Variants in XIRP2 observed in about 807,000 individuals in gnomAD.
XIRP2 encodes xin actin-binding repeat-containing protein 2.
Under a neutral mutation model 277.0 loss-of-function variants are expected in XIRP2, and 236 were observed. That is an observed-to-expected ratio of 0.85 (90% CI 0.77 to 0.95). The LOEUF (loss-of-function observed/expected upper bound fraction) is 0.95. Among genes scored for constraint, XIRP2 ranks in the 40% least tolerant of loss-of-function variants. The probability of loss-of-function intolerance (pLI) is 0.00; values close to 1 mark genes in which losing one functional copy is unlikely to be tolerated. For synonymous variants in XIRP2, 1,490 were observed against 1,416.5 expected, an observed-to-expected ratio of 1.05 and a Z score of -1.17; for missense variants, 4,640 against 4,157.5, an observed-to-expected ratio of 1.12 and a Z score of -3.19.
chr2:167,244,622 A>C lies in XIRP2; in HGVS notation c.3230A>C (p.Glu1077Ala), dbSNP rs757583208. 13 of 1,612,820 alleles carry C rather than the reference A, an allele frequency of 8.1e-6. No individual in the cohort carries two copies. The Admixed American group carries it at 1.2e-4, about 15-fold the overall frequency. The change falls in exon 9 of 11, where the codon GAA (glutamate) becomes GCA (alanine). Residue 1077 changes from glutamate (E) to alanine (A), a missense_variant. Physicochemically the swap from Glu to Ala is moderately radical, Grantham distance 107. Transcript: ENST00000409195. ...TATTTTAGTGATGTGGAAGAAACAG[A>C]AAGTAAAACTGAACAAACTAGAGAT... ...IKYFSDVEET[E>A]SKTEQTRDIV...
intron 5 of XIRP2, among the ~76,000 whole-genome samples, chr2:167,236,712 C>T (rs979623038): frequency 2.6e-5 from 4 of 152,014 alleles, no homozygotes; most frequent in African/African-American, 9.7e-5. Flanking sequence ...GACCTGTGAA[C>T]AAAATAACAT....
chr2:167,061,815 T>G, intron 2 of XIRP2, among the ~76,000 whole-genome samples: 1 of 149,634 alleles, frequency 6.7e-6, no homozygotes, highest in East Asian at 2.0e-4. Flanking sequence ...CAAGGAAGAG[T>G]TTCCCTTCGA....
At chr2:166,908,441 C>G (rs761378452) in intron 2 of XIRP2, among the ~76,000 whole-genome samples, 4 of 152,110 alleles carry the variant, frequency 2.6e-5, no homozygotes, top group African/African-American at 4.8e-5. Context: ...TCATATCCTT[C>G]GCCCACTTTT....
chr2:167,072,214 A>G (rs1162985881), intron 2 of XIRP2, among the ~76,000 whole-genome samples: 1 of 152,172 alleles, frequency 6.6e-6, no homozygotes, highest in Non-Finnish European at 1.5e-5. Context: ...GCTGTCCTGT[A>G]TACAGAAAGT....
At chr2:167,048,735 C>G (rs916057932) in intron 2 of XIRP2, among the ~76,000 whole-genome samples, 2 of 151,916 alleles carry the variant, frequency 1.3e-5, no homozygotes, top group Non-Finnish European at 2.9e-5. Flanking sequence ...CTCCTCAGCA[C>G]TGTAAGACCT....
intron 2 of XIRP2, among the ~76,000 whole-genome samples, chr2:167,027,734 C>T (rs1688212921): frequency 6.6e-6 from 1 of 151,994 alleles, no homozygotes; most frequent in Admixed American, 6.6e-5. Flanking sequence ...AGACAGGACC[C>T]TTAGCTGCAG....
At chr2:167,152,251 G>A (rs73017965) in intron 3 of XIRP2, among the ~76,000 whole-genome samples, 10 of 151,832 alleles carry the variant, frequency 6.6e-5, no homozygotes, top group South Asian at 6.2e-4. Flanking sequence ...AGATGTATCC[G>A]CCCCATACCA....
At chr2:167,221,262 C>T (rs989882473) in intron 5 of XIRP2, among the ~76,000 whole-genome samples, 1 of 151,908 alleles carries the variant, frequency 6.6e-6, no homozygotes, top group African/African-American at 2.4e-5. Flanking sequence ...CACCTGAATT[C>T]AAGACCAGCT....
At chr2:167,171,975 A>T (rs1472372812) in intron 3 of XIRP2, among the ~76,000 whole-genome samples, 3 of 152,190 alleles carry the variant, frequency 2.0e-5, no homozygotes, top group African/African-American at 7.2e-5. Context: ...GGGGTACATG[A>T]AATATTTTGG....
At chr2:166,935,695 G>A (rs1685477845) in intron 2 of XIRP2, among the ~76,000 whole-genome samples, 1 of 152,162 alleles carries the variant, frequency 6.6e-6, no homozygotes, top group Non-Finnish European at 1.5e-5. Flanking sequence ...AGTTTGCTGA[G>A]AATGATGGTT....
At chr2:166,917,554 T>C (rs1390827312) in intron 2 of XIRP2, among the ~76,000 whole-genome samples, 4 of 152,122 alleles carry the variant, frequency 2.6e-5, no homozygotes, top group Admixed American at 6.5e-5. Flanking sequence ...CTTTAAGACT[T>C]TCAGAGGAAA....
intron 1 of XIRP2, among the ~76,000 whole-genome samples, chr2:166,899,684 T>C (rs56127935): frequency 0.21 from 31,881 of 152,104 alleles, 4,004 homozygotes; most frequent in Admixed American, 0.28. Context: ...TTGAAACATA[T>C]TGTGCTCTTG....
At chr2:167,073,539 C>G (rs1689487168) in intron 2 of XIRP2, among the ~76,000 whole-genome samples, 1 of 152,034 alleles carries the variant, frequency 6.6e-6, no homozygotes, top group South Asian at 2.1e-4. Context: ...GAAGTCCTGA[C>G]AACTAGATAC....
chr2:167,081,531 AT>A, intron 2 of XIRP2, among the ~76,000 whole-genome samples: 1 of 152,102 alleles, frequency 6.6e-6, no homozygotes, highest in Non-Finnish European at 1.5e-5. Context: ...TCATTAAGAA[AT>A]TGTCTTCTGT....
intron 2 of XIRP2, among the ~76,000 whole-genome samples, chr2:167,118,617 A>G (rs962793074): frequency 6.6e-6 from 1 of 152,106 alleles, no homozygotes; most frequent in African/African-American, 2.4e-5. Context: ...TTCCCTCTGG[A>G]GGATGCAGCA....
intron 2 of XIRP2, among the ~76,000 whole-genome samples, chr2:167,100,868 A>G (rs1427893152): frequency 6.6e-6 from 1 of 152,226 alleles, no homozygotes; most frequent in Non-Finnish European, 1.5e-5. Context: ...TGCCAGAAGA[A>G]TAAGTTTTGG....
intron 3 of XIRP2, among the ~76,000 whole-genome samples, chr2:167,198,864 C>A (rs779029950): frequency 6.6e-6 from 1 of 152,112 alleles, no homozygotes; most frequent in Non-Finnish European, 1.5e-5. Context: ...TTCTATCAGT[C>A]ATTAAGTTCA....
chr2:167,126,847 A>G (rs985041522), intron 2 of XIRP2, among the ~76,000 whole-genome samples: 2 of 152,212 alleles, frequency 1.3e-5, no homozygotes, highest in African/African-American at 4.8e-5. Context: ...TAAAATGAGA[A>G]TAGCACCTTC....
intron 2 of XIRP2, among the ~76,000 whole-genome samples, chr2:167,019,718 C>A (rs972213366): frequency 1.3e-5 from 2 of 151,992 alleles, no homozygotes; most frequent in Non-Finnish European, 1.5e-5. Context: ...TAACTTAAAA[C>A]ATATTTTCAT....
Sources: allele counts gnomAD v4.1 joint callset (sites outside exome capture counted in the v4.1 genomes callset), GRCh38; gene constraint gnomAD v4.1.1; transcripts MANE v1.5; gene names NCBI Gene and HGNC (gene_info 2026-07-23, HGNC 2026-07-21).